PGM3: variants seen among roughly 807,000 people sequenced by gnomAD.
PGM3 encodes phosphoacetylglucosamine mutase.
In PGM3, 40 loss-of-function variants were observed where a neutral mutation model predicts 66.2. The observed-to-expected ratio is 0.60, with a 90% CI of 0.47 to 0.79. The LOEUF (loss-of-function observed/expected upper bound fraction) is 0.79, where lower values mean the gene tolerates loss of function less well. Among genes scored for constraint, PGM3 ranks in the 30% least tolerant of loss-of-function variants. The probability of loss-of-function intolerance (pLI) is 0.00; values close to 1 mark genes in which losing one functional copy is unlikely to be tolerated. For missense variants in PGM3, 537 were observed against 643.4 expected (o/e 0.83, Z 1.79); for synonymous variants, 191 against 224.2 (o/e 0.85, Z 1.32).
chr6:83,167,868 C>A lies in PGM3; in HGVS notation c.*1366G>T. 1 of 1,602,498 alleles carries A rather than the reference C, an allele frequency of 6.2e-7. No individual in the cohort carries two copies. Among genetic ancestry groups the A allele is most frequent in the Non-Finnish European group, 8.5e-7 (1 of 1,173,410 alleles). ...CACTTTTTGTTTTCTGCAGAAAAAT[C>A]CAGAGGAAGACAACTCAGGGAGAAC... On this transcript the variant is annotated 3_prime_UTR_variant, in exon 13 of 13. Coordinates refer to ENST00000513973, the MANE Select transcript of PGM3 (RefSeq NM_015599.3).
chr6:83,174,117 T>C (rs1366155981), intron 10 of PGM3, among the ~76,000 whole-genome samples: 2 of 152,170 alleles, frequency 1.3e-5, no homozygotes, highest in Admixed American at 1.3e-4. Flanking sequence ...ACTGAGTAGC[T>C]GAATCTGTGA....
At chr6:83,182,015 T>C (rs1788210554) in intron 5 of PGM3, 84 bp from the exon 6 acceptor site, 1 of 643,500 alleles carries the variant, frequency 1.6e-6, no homozygotes, top group African/African-American at 1.9e-5. Context: ...CATATGTGCA[T>C]ATGTAAATAT....
chr6:83,187,030 A>T lies in PGM3; in HGVS notation c.435T>A (p.Thr145=). 6.3e-7 allele frequency: 1 copy of T among 1,598,890 alleles called. No homozygotes were observed. Among genetic ancestry groups the T allele is most frequent in the Non-Finnish European group, 8.6e-7 (1 of 1,166,776 alleles). The change falls in exon 4 of 13, where the codon ACT becomes ACA. Residue 145 remains threonine (T), a synonymous_variant. Transcript: ENST00000513973. The part of the protein sequence containing the change: ...KLSQSVIDGV[T]VLGGQFHDYG... The stretch of plus-strand genomic sequence containing the variant: ...TACCATGGAATTGACCTCCTAGAAC[A>T]GTCACACCATCTATTACAGATTGTG...
At chr6:83,191,293 G>A (rs1016653536) in intron 1 of PGM3, 32 of 1,455,796 alleles carry the variant, frequency 2.2e-5, no homozygotes, top group East Asian at 9.9e-5. Flanking sequence ...TATCCTGGAC[G>A]CCGGGCACAC....
chr6:83,170,180 G>T, intron 12 of PGM3, 125 bp downstream of exon 12: 3 of 809,926 alleles, frequency 3.7e-6, no homozygotes, highest in Non-Finnish European at 5.8e-6. Flanking sequence ...GTCTTAATGT[G>T]AACCTAAAAG....
intron 5 of PGM3, 94 bp from the exon 6 acceptor site, chr6:83,182,025 TTTAG>T: frequency 3.3e-6 from 2 of 601,138 alleles, no homozygotes; most frequent in African/African-American, 1.9e-5. Context: ...TATGTAAATA[TTTAG>T]TTAACTCATT....
chr6:83,168,583 CG>C lies in PGM3; in HGVS notation c.*650del. 1 of 996,892 alleles carries C rather than the reference CG, an allele frequency of 1.0e-6. No individual in the cohort carries two copies. The allele number at this position is 996,892 out of a possible 1,614,324, so 61.8% of individuals were successfully genotyped here. ...TCCTTCTCCATCAGAGGCTGGGAAA[CG>C]TATTATAATTAGTTTTTCTCCCACA... On this transcript the variant is annotated 3_prime_UTR_variant, in exon 13 of 13. Coordinates refer to ENST00000513973, the MANE Select transcript of PGM3 (RefSeq NM_015599.3).
chr6:83,156,711 T>C (rs1782879296), downstream of PGM3, among the ~76,000 whole-genome samples: 1 of 152,212 alleles, frequency 6.6e-6, no homozygotes, highest in African/African-American at 2.4e-5. Context: ...CATGGGAACA[T>C]GATAGTTGTC....
At chr6:83,158,151 A>G (rs1783261887), downstream of PGM3, among the ~76,000 whole-genome samples, 1 of 152,004 alleles carries the variant, frequency 6.6e-6, no homozygotes, top group Non-Finnish European at 1.5e-5. Context: ...GGCACCTGCC[A>G]CCACACCCAG....
At chr6:83,183,844 T>C (rs753157848) in intron 4 of PGM3, among the ~76,000 whole-genome samples, 24 of 151,908 alleles carry the variant, frequency 1.6e-4, no homozygotes, top group Non-Finnish European at 2.9e-4. Flanking sequence ...TCCTGCCAAG[T>C]AGCTGAGATT....
intron 11 of PGM3, 53 bp downstream of exon 11, chr6:83,171,884 T>C (rs1022338217): frequency 3.0e-5 from 40 of 1,344,140 alleles, no homozygotes; most frequent in African/African-American, 8.7e-5. Context: ...ATTGGGATAA[T>C]AGGTTTTACT....
At chr6:83,154,358 C>A in the PGM3 span, 1 of 903,490 alleles carries the variant, frequency 1.1e-6, no homozygotes, top group Non-Finnish European at 1.7e-6. Context: ...TGTCAAGTGT[C>A]AGTGGGGATA....
At chr6:83,164,400 A>G (rs1743573219), downstream of PGM3, among the ~76,000 whole-genome samples, 1 of 151,924 alleles carries the variant, frequency 6.6e-6, no homozygotes, top group African/African-American at 2.4e-5. Flanking sequence ...TGACAAATCC[A>G]GAAGCAAATA....
intron 5 of PGM3, among the ~76,000 whole-genome samples, chr6:83,182,627 C>T (rs1027470712): frequency 1.3e-5 from 2 of 152,142 alleles, no homozygotes; most frequent in African/African-American, 4.8e-5. Flanking sequence ...CCCAAAGTAT[C>T]TCAGAATGTA....
At chr6:83,193,272 G>A (rs551052567), upstream of PGM3, 12 of 152,438 alleles carry the variant, frequency 7.9e-5, no homozygotes, top group East Asian at 2.3e-3. Flanking sequence ...CCGCAGACGT[G>A]GCCCTGCGTG....
chr6:83,163,125 G>A (rs902780309), downstream of PGM3, among the ~76,000 whole-genome samples: 10 of 152,002 alleles, frequency 6.6e-5, no homozygotes, highest in Admixed American at 1.3e-4. Flanking sequence ...AGGAATATGC[G>A]GTTATTCATT....
chr6:83,178,601 G>T, intron 8 of PGM3, 72 bp downstream of exon 8: 1 of 834,752 alleles, frequency 1.2e-6, no homozygotes, highest in Non-Finnish European at 2.1e-6. Context: ...TCACTTTTAT[G>T]AGGGCAGTAT....
rs746561212 is a variant in PGM3, at chr6:83,188,605, TATC to T, written c.389+6_389+8del. On this transcript the variant is annotated splice_donor_region_variant and intron_variant, in intron 3 of 12. Coordinates refer to ENST00000513973, the MANE Select transcript of PGM3 (RefSeq NM_015599.3). ...GGTTTTTTTTTTTACCAGTAACTCTTATCATCACCTGGTATCTCTACCAATAAC... is the reference window on the plus strand; with the variant it reads ...GGTTTTTTTTTTTACCAGTAACTCTTATCACCTGGTATCTCTACCAATAAC... 2 of 1,602,884 alleles carry T rather than the reference TATC, an allele frequency of 1.2e-6. No individual in the cohort carries two copies. The highest frequency in any genetic ancestry group is 1.1e-5 in the South Asian group (1 of 90,652).
Position 83,169,253 on chromosome 6 carries a change from C to T in PGM3, c.1610G>A (p.Arg537Lys). Reference protein sequence around the residue: ...VFQLAGGIGERPQPGF With the variant: ...VFQLAGGIGEKPQPGF ...TTATCTTCAGAAACCTGGTTGGGGCCTTTCTCCAATTCCTCCAGCCAGCTG... is the reference window on the plus strand; with the variant it reads ...TTATCTTCAGAAACCTGGTTGGGGCTTTTCTCCAATTCCTCCAGCCAGCTG... Residue 537 changes from arginine to lysine, a missense_variant, in exon 13 of 13, where the codon AGG becomes AAG. Transcript: ENST00000513973. The T allele has an allele frequency of 1.2e-6, 2 of 1,614,060 alleles. No individual in the cohort carries two copies. The highest frequency in any genetic ancestry group is 1.3e-5 in the African/African-American group (1 of 75,040).
Sources: allele counts gnomAD v4.1 joint callset (sites outside exome capture counted in the v4.1 genomes callset), GRCh38; gene constraint gnomAD v4.1.1; transcripts MANE v1.5; gene names NCBI Gene and HGNC (gene_info 2026-07-23, HGNC 2026-07-21).